Variants in NAALADL2 observed in about 807,000 individuals in gnomAD.
The protein encoded by NAALADL2 is N-acetylated alpha-linked acidic dipeptidase like 2.
NAALADL2 carries 76 observed loss-of-function variants against 87.2 expected under a neutral mutation model. The ratio of observed to expected loss-of-function variants is 0.87; its 90% CI spans 0.72 to 1.05. The LOEUF (loss-of-function observed/expected upper bound fraction) is 1.05, where lower values mean the gene tolerates loss of function less well. Ranked by LOEUF, NAALADL2 falls within the 50% of genes least tolerant of loss-of-function variation. The pLI is 0.00. For synonymous variants in NAALADL2, 354 were observed against 331.0 expected (o/e 1.07, Z -0.75); for missense variants, 1,089 against 945.8 (o/e 1.15, Z -1.99).
At chr3:174,628,856 C>T (rs1373098420) in intron 2 of NAALADL2, among the ~76,000 whole-genome samples, 1 of 152,094 alleles carries the variant, frequency 6.6e-6, no homozygotes, top group African/African-American at 2.4e-5. Flanking sequence ...GTACCCTGAT[C>T]GAGGAACTTT....
rs1266840923 is a variant in NAALADL2, at chr3:175,674,563, G to A, written c.1896+47177G>A. 4.6e-5 allele frequency among the ~76,000 whole-genome samples: 7 copies of A among 151,898 alleles called. No homozygotes were observed. The South Asian group carries it at 1.0e-3, about 23-fold the overall frequency. ...ACAGGCCTGAGCCACCGTGCCCGGC[G>A]ACAGTTTGTTTTTAAAATTGAGATG... is the stretch of plus-strand genomic sequence containing the variant. On this transcript the variant is annotated intron_variant, in intron 11 of 13. Coordinates refer to ENST00000454872, the MANE Select transcript of NAALADL2 (RefSeq NM_207015.3).
intron 3 of NAALADL2, among the ~76,000 whole-genome samples, chr3:174,794,361 C>T (rs114436771): frequency 0.041 from 6,189 of 151,700 alleles, 129 homozygotes; most frequent in Middle Eastern, 0.096. Context: ...TATATAAATC[C>T]GAACTAATAT....
chr3:174,981,142 G>A (rs1284310077), intron 1 of NAALADL2, among the ~76,000 whole-genome samples: 3 of 151,638 alleles, frequency 2.0e-5, no homozygotes, highest in Non-Finnish European at 2.9e-5. Flanking sequence ...CCCCCTACTC[G>A]TTGAGACTAC....
At chr3:175,445,708 G>A (rs1376282453) in intron 5 of NAALADL2, among the ~76,000 whole-genome samples, 1 of 152,014 alleles carries the variant, frequency 6.6e-6, no homozygotes, top group African/African-American at 2.4e-5. Flanking sequence ...ATTGTTCAAT[G>A]ATTAAATTTC....
At chr3:175,038,993 A>G (rs1405844182) in intron 1 of NAALADL2, among the ~76,000 whole-genome samples, 3 of 152,170 alleles carry the variant, frequency 2.0e-5, no homozygotes, top group African/African-American at 4.8e-5. Flanking sequence ...ACTCTCTGAT[A>G]GTGGAATTTA....
chr3:175,543,504 C>T (rs1276077241), intron 9 of NAALADL2, among the ~76,000 whole-genome samples: 1 of 152,088 alleles, frequency 6.6e-6, no homozygotes, highest in East Asian at 1.9e-4. Flanking sequence ...TTAATGGACT[C>T]ACATGTCCAC....
At chr3:174,723,742 C>A (rs1578686384) in intron 2 of NAALADL2, among the ~76,000 whole-genome samples, 1 of 94,996 alleles carries the variant, frequency 1.1e-5, no homozygotes, top group Non-Finnish European at 1.9e-5. Context: ...GGTGACAGAG[C>A]AAGACTCCGT....
intron 2 of NAALADL2, among the ~76,000 whole-genome samples, chr3:174,572,741 G>C (rs1349561549): frequency 6.6e-6 from 1 of 152,122 alleles, no homozygotes; most frequent in Non-Finnish European, 1.5e-5. Context: ...CTTTAAAAAT[G>C]TTATTCCTGG....
chr3:175,378,411 G>A (rs978066816), intron 5 of NAALADL2, among the ~76,000 whole-genome samples: 1 of 152,212 alleles, frequency 6.6e-6, no homozygotes, highest in Non-Finnish European at 1.5e-5. Context: ...TAAATATCCT[G>A]CTTCATTATG....
chr3:174,518,667 T>G (rs1345692778), intron 1 of NAALADL2, among the ~76,000 whole-genome samples: 1 of 152,200 alleles, frequency 6.6e-6, no homozygotes, highest in African/African-American at 2.4e-5. Context: ...CCTCTTTATA[T>G]TCCATGTTTT....
intron 3 of NAALADL2, among the ~76,000 whole-genome samples, chr3:174,805,179 A>T (rs1172744007): frequency 6.6e-6 from 1 of 152,144 alleles, no homozygotes; most frequent in African/African-American, 2.4e-5. Context: ...AAATTGGAAT[A>T]TTTAGAAAAG....
At chr3:175,003,353 A>C (rs1748500607) in intron 1 of NAALADL2, among the ~76,000 whole-genome samples, 1 of 150,992 alleles carries the variant, frequency 6.6e-6, no homozygotes, top group South Asian at 2.1e-4. Context: ...CCATGTCTCT[A>C]CAAAAAACAA....
intron 11 of NAALADL2, among the ~76,000 whole-genome samples, chr3:175,699,012 C>T (rs988890632): frequency 6.6e-6 from 1 of 151,956 alleles, no homozygotes; most frequent in Non-Finnish European, 1.5e-5. Context: ...GTTCTGTAAA[C>T]CAATACTGTC....
At chr3:174,554,382 A>G (rs1421935807) in intron 2 of NAALADL2, among the ~76,000 whole-genome samples, 3 of 151,968 alleles carry the variant, frequency 2.0e-5, no homozygotes, top group Non-Finnish European at 4.4e-5. Context: ...GAATTATACA[A>G]TTTATCTAAG....
rs533913251 is a variant in NAALADL2, at chr3:175,363,303, A to G, written c.1090+38978A>G. 5.4e-5 allele frequency among the ~76,000 whole-genome samples: 8 copies of G among 147,540 alleles called. No homozygotes were observed. In the South Asian group the frequency reaches 6.6e-4, roughly 12 times the overall value. ...TTTCAAGTTGTTTTCTTTATGTACA[A>G]TGTCTTTTTTTGGTGCATTTTTTTC... is the stretch of plus-strand genomic sequence containing the variant. On this transcript the variant is annotated intron_variant, in intron 5 of 13. Transcript: ENST00000454872.
intron 9 of NAALADL2, among the ~76,000 whole-genome samples, chr3:175,482,134 A>G (rs1726570503): frequency 1.3e-5 from 2 of 151,968 alleles, no homozygotes; most frequent in African/African-American, 4.8e-5. Context: ...ATACTTATCT[A>G]AGGGATACAT....
intron 3 of NAALADL2, among the ~76,000 whole-genome samples, chr3:174,808,716 G>A (rs1719793994): frequency 6.6e-6 from 1 of 152,042 alleles, no homozygotes; most frequent in East Asian, 1.9e-4. Context: ...AATGGAAAAT[G>A]ATGAAAAAAC....
chr3:175,440,920 C>T (rs1316973082), intron 5 of NAALADL2, among the ~76,000 whole-genome samples: 1 of 151,934 alleles, frequency 6.6e-6, no homozygotes, highest in African/African-American at 2.4e-5. Context: ...TCCTCTATGT[C>T]CATTTCAAAT....
chr3:175,755,445 CT>C, intron 13 of NAALADL2, 27 bp downstream of exon 13: 1 of 1,496,476 alleles, frequency 6.7e-7, no homozygotes, highest in African/African-American at 1.4e-5. Flanking sequence ...AAAAATTATA[CT>C]TTTTGCCCTA....
Sources: gnomAD v4.1 joint callset for allele counts (sites outside exome capture counted in the v4.1 genomes callset) on GRCh38, gnomAD v4.1.1 for gene constraint, MANE v1.5 for transcripts, NCBI Gene and HGNC (gene_info 2026-07-23, HGNC 2026-07-21) for gene names.